Variants in LIPE observed in about 807,000 individuals in gnomAD.
LIPE encodes the protein lipase E, hormone sensitive type, also known as hormone-sensitive lipase.
LIPE carries 66 observed loss-of-function variants against 88.5 expected under a neutral mutation model. The observed-to-expected ratio is 0.75, with a 90% CI of 0.61 to 0.91. LIPE has a LOEUF of 0.91. Ranked by LOEUF, LIPE falls within the 40% of genes least tolerant of loss-of-function variation. The pLI, the probability that LIPE is intolerant of heterozygous loss-of-function variation, is 0.00. For missense variants in LIPE, 1,346 were observed against 1,434.7 expected (o/e 0.94, Z 1.00); for synonymous variants, 570 against 617.5 (o/e 0.92, Z 1.14).
At chr19:42,418,673 G>T (rs2040537475) in intron 1 of LIPE, among the ~76,000 whole-genome samples, 1 of 152,014 alleles carries the variant, frequency 6.6e-6, no homozygotes, top group Non-Finnish European at 1.5e-5. Flanking sequence ...ATTAAAATAT[G>T]TACATGGTAT....
At chr19:42,419,860 C>T (rs2040561904) in intron 1 of LIPE, among the ~76,000 whole-genome samples, 1 of 152,044 alleles carries the variant, frequency 6.6e-6, no homozygotes, top group Non-Finnish European at 1.5e-5. Flanking sequence ...CACCAACAGC[C>T]TCTGCGTGCC....
intron 1 of LIPE, among the ~76,000 whole-genome samples, chr19:42,418,117 G>A (rs191331315): frequency 1.3e-5 from 2 of 151,982 alleles, no homozygotes; most frequent in Non-Finnish European, 1.5e-5. Context: ...TGAGTAGCTG[G>A]GACTACAGGT....
At chr19:42,420,510 G>T (rs2040577620) in intron 1 of LIPE, among the ~76,000 whole-genome samples, 1 of 152,030 alleles carries the variant, frequency 6.6e-6, no homozygotes, top group Non-Finnish European at 1.5e-5. Flanking sequence ...CTTGGTCTCT[G>T]TGTGTGTGTT....
rs1398736776 is a variant in LIPE at position 42,410,531 on chromosome 19, G to T, written c.1195C>A (p.Arg399Ser). Residue 399 changes from arginine (R) to serine (S), a missense_variant, in exon 2 of 10, where the codon CGC (arginine) becomes AGC (serine). Physicochemically the swap from Arg to Ser is moderately radical, Grantham distance 110. Transcript: ENST00000244289. The surrounding 1 kb of genome is among the most constrained non-coding windows in gnomAD (Gnocchi z 6.1). ...HKSRYVASNR[R>S]SIFFRTSHNL... ...TGGCTGGTGCGGAAGAAGATGCTGC[G>T]GCGGTTGGAGGCCACATAGCGGGAT... is the stretch of plus-strand genomic sequence containing the variant. 1.2e-6 allele frequency: 2 copies of T among 1,612,528 alleles called. No homozygotes were observed. The highest frequency in any genetic ancestry group is 4.5e-5 in the East Asian group (2 of 44,894).
In LIPE at chr19:42,426,473, G is replaced by C. The variant is rs1390930578; in HGVS notation, c.677C>G (p.Ser226Cys). The change falls in exon 1 of 10, where the codon TCT becomes TGT. Residue 226 changes from serine (S) to cysteine (C), a missense_variant. Transcript: ENST00000244289. ...QRSALEWKAL[S>C]EWVTDSESES... ...TGACTCAGAATCTGTGACCCACTCA[G>C]AAAGTGCCTTCCACTCTAGGGCTGA... 6.2e-7 allele frequency: 1 copy of C among 1,614,140 alleles called. No individual in the cohort carries two copies. The highest frequency in any genetic ancestry group is 8.5e-7 in the Non-Finnish European group (1 of 1,179,992).
At chr19:42,412,856 G>T (rs1054528142) in intron 1 of LIPE, among the ~76,000 whole-genome samples, 1 of 152,182 alleles carries the variant, frequency 6.6e-6, no homozygotes, top group African/African-American at 2.4e-5. Flanking sequence ...CCAGCTGTTG[G>T]GGGGAGAGAG....
Position 42,423,663 on chromosome 19 carries a change from T to A in LIPE, c.883+2604A>T, listed in dbSNP as rs554941173. 3.4e-6 allele frequency: 4 copies of A among 1,161,854 alleles called. No individual in the cohort carries two copies. In the East Asian group the frequency reaches 2.9e-4, roughly 86 times the overall value. 72.0% of individuals were successfully genotyped at this position (1,161,854 alleles called of 1,614,324 possible). On this transcript the variant is annotated intron_variant, in intron 1 of 9. Transcript: ENST00000244289. ...AATCCCGAGCTTGCTCTTCTCTGGG[T>A]CCAGCTCCCTAACCAATTCTGGTCT... is the stretch of plus-strand genomic sequence containing the variant.
intron 9 of LIPE, 39 bp from the exon 10 acceptor site, chr19:42,402,114 G>A: frequency 7.0e-7 from 1 of 1,431,720 alleles, no homozygotes; most frequent in Non-Finnish European, 9.2e-7. Context: ...AGAGGGTGGG[G>A]GACAGACAGA....
chr19:42,418,935 G>C lies in LIPE; in HGVS notation c.883+7332C>G, dbSNP rs535015566. On this transcript the variant is annotated intron_variant, in intron 1 of 9. Transcript: ENST00000244289. ...GCCTTTGGACAGTGCCTGGTGCACT[G>C]CCGCCCCTTGGTAAAGTGGTAGCAT... 3.9e-5 allele frequency among the ~76,000 whole-genome samples: 6 copies of C among 152,262 alleles called. No homozygotes were observed. The South Asian group carries it at 1.0e-3, about 26-fold the overall frequency.
At chr19:42,419,386 A>G (rs2040551561) in intron 1 of LIPE, among the ~76,000 whole-genome samples, 1 of 152,122 alleles carries the variant, frequency 6.6e-6, no homozygotes, top group Non-Finnish European at 1.5e-5. Flanking sequence ...GGCCCTAGGG[A>G]CTCCAGAGCT....
chr19:42,408,837 A>AG lies in LIPE; in HGVS notation c.1420-516dup, dbSNP rs1555789207. ...AGACTCTGTCTCTAAAAAAAAAAAA[A>AG]GGTGAGCTCATGCTTGGTGCTTGAC... On this transcript the variant is annotated intron_variant, in intron 2 of 9. Coordinates refer to ENST00000244289, the MANE Select transcript of LIPE (RefSeq NM_005357.4). This position sits in a 1 kb window ranked among gnomAD's most constrained non-coding sequence, Gnocchi z 4.3. Among the ~76,000 whole-genome samples the AG allele has an allele frequency of 6.7e-6, 1 of 150,272 alleles. No homozygotes were observed.
chr19:42,403,445 G>A (rs1231505004), intron 8 of LIPE, among the ~76,000 whole-genome samples: 5 of 148,202 alleles, frequency 3.4e-5, no homozygotes, highest in East Asian at 2.0e-4. Flanking sequence ...ATAATATATC[G>A]TTTTTTGTTT....
At chr19:42,412,933 G>T (rs1463947758) in intron 1 of LIPE, among the ~76,000 whole-genome samples, 1 of 152,204 alleles carries the variant, frequency 6.6e-6, no homozygotes, top group Non-Finnish European at 1.5e-5. Context: ...GCCAGGCTCA[G>T]CTAGGGGCCT....
Position 42,405,368 on chromosome 19 carries a change from G to A in LIPE, c.2542+17C>T, listed in dbSNP as rs762863289. ...TGCCCACCCTGGCTGGGCATGTGACGGGAGTGAATCACTCACCTGCTATGG... is the reference window on the plus strand; with the variant it reads ...TGCCCACCCTGGCTGGGCATGTGACAGGAGTGAATCACTCACCTGCTATGG... On this transcript the variant is annotated intron_variant, in intron 8 of 9. Transcript: ENST00000244289. The A allele has an allele frequency of 5.0e-6, 8 of 1,610,154 alleles. No homozygotes were observed. The highest frequency in any genetic ancestry group is 3.3e-5 in the South Asian group (3 of 90,804).
Position 42,407,542 on chromosome 19 carries a change from C to T in LIPE, c.1842+64G>A. Reference sequence around the variant, plus strand: ...GGGCTGCACCCCTCCATGGGGATGCCAAGGTGGGGGCTGCCCACGCTCCTC... The same window carrying T: ...GGGCTGCACCCCTCCATGGGGATGCTAAGGTGGGGGCTGCCCACGCTCCTC... On this transcript the variant is annotated intron_variant, in intron 5 of 9. Coordinates refer to ENST00000244289, the MANE Select transcript of LIPE (RefSeq NM_005357.4). This position sits in a 1 kb window ranked among gnomAD's most constrained non-coding sequence, Gnocchi z 5.8. 6.3e-7 allele frequency: 1 copy of T among 1,575,466 alleles called. No individual in the cohort carries two copies. Among genetic ancestry groups the T allele is most frequent in the Non-Finnish European group, 8.6e-7 (1 of 1,157,438 alleles).
chr19:42,411,221 G>A lies in LIPE; in HGVS notation c.884-379C>T, dbSNP rs138288529. 2.0e-4 allele frequency: 159 copies of A among 798,750 alleles called. No homozygotes were observed. In the Middle Eastern group the frequency reaches 7.0e-3, roughly 35 times the overall value. The allele number at this position is 798,750 out of a possible 1,614,324, so 49.5% of individuals were successfully genotyped here. On this transcript the variant is annotated intron_variant, in intron 1 of 9. Coordinates refer to ENST00000244289, the MANE Select transcript of LIPE (RefSeq NM_005357.4). The stretch of plus-strand genomic sequence containing the variant: ...CTTGCTGCCCTGGCCTCCTGAATCC[G>A]GACATTCCCTGAGCCCACACGACTC...
chr19:42,423,662 GTCCAGCTCCCTA>G, intron 1 of LIPE: 1 of 1,161,856 alleles, frequency 8.6e-7, no homozygotes, highest in Non-Finnish European at 1.1e-6. Flanking sequence ...TCTTCTCTGG[GTCCAGCTCCCTA>G]ACCAATTCTG....
In LIPE at chr19:42,410,442, G is replaced by A. The variant is rs201786557; in HGVS notation, c.1284C>T (p.Tyr428=). 3.3e-4 allele frequency: 528 copies of A among 1,614,160 alleles called. 4 individuals carry two copies. The highest frequency in any genetic ancestry group is 3.3e-5 in the Admixed American group (2 of 60,034). The part of the protein sequence containing the change: ...ALTQLRALVY[Y]AQRLLVTNRP... ...GATTGGTAACCAGCAGGCGCTGGGC[G>A]TAGTAGACCAGAGCGCGGAGCTGGG... The change falls in exon 2 of 10, where the codon TAC becomes TAT. Residue 428 remains tyrosine, a synonymous_variant. Transcript: ENST00000244289. This position sits in a 1 kb window ranked among gnomAD's most constrained non-coding sequence, Gnocchi z 6.1.
chr19:42,406,437 C>A lies in LIPE; in HGVS notation c.2138-49G>T. Reference sequence around the variant, plus strand: ...GTGACAACCTGGCAGGGGCAGAGGCCTGGGGAGGAGGGCAGGGAGGAACTC... The same window carrying A: ...GTGACAACCTGGCAGGGGCAGAGGCATGGGGAGGAGGGCAGGGAGGAACTC... On this transcript the variant is annotated intron_variant, in intron 6 of 9. Transcript: ENST00000244289. This position sits in a 1 kb window ranked among gnomAD's most constrained non-coding sequence, Gnocchi z 5.7. 6.5e-7 allele frequency: 1 copy of A among 1,540,438 alleles called. No homozygotes were observed. Among genetic ancestry groups the A allele is most frequent in the African/African-American group, 1.4e-5 (1 of 73,544 alleles).
Sources: allele counts gnomAD v4.1 joint callset (sites outside exome capture counted in the v4.1 genomes callset), GRCh38; gene constraint gnomAD v4.1.1; non-coding constraint Gnocchi (gnomAD v3.1); transcripts MANE v1.5; gene names NCBI Gene and HGNC (gene_info 2026-07-23, HGNC 2026-07-21).